QRICH2: variants seen among roughly 807,000 people sequenced by gnomAD.
QRICH2 encodes the protein glutamine-rich protein 2.
In QRICH2, 119 loss-of-function variants were observed where a neutral mutation model predicts 168.3. The ratio of observed to expected loss-of-function variants is 0.71; its 90% confidence interval spans 0.61 to 0.82. The LOEUF (loss-of-function observed/expected upper bound fraction) is 0.82. Ranked by LOEUF, QRICH2 falls within the 40% of genes least tolerant of loss-of-function variation. The pLI is 0.00. For synonymous variants in QRICH2, 894 were observed against 951.2 expected (o/e 0.94, Z 1.11); for missense variants, 2,241 against 2,491.6 (o/e 0.90, Z 2.14).
chr17:76,280,286 C>T lies in QRICH2; in HGVS notation c.4626+1G>A, dbSNP rs758402655. 7 of 1,613,980 alleles carry T rather than the reference C, an allele frequency of 4.3e-6. No homozygotes were observed. The Admixed American group carries it at 1.2e-4, about 27-fold the overall frequency. On this transcript the variant is annotated splice_donor_variant, in intron 11 of 18. Transcript: ENST00000680821. LOFTEE classifies it high-confidence loss of function. The surrounding 1 kb of genome is among the most constrained non-coding windows in gnomAD (Gnocchi z 7.4). Reference sequence around the variant, plus strand: ...AGAGCCCCGCCATGCCCCTGCCTCACCTTGTTGTCCATCTCTGTGAGCAGC... The same window carrying T: ...AGAGCCCCGCCATGCCCCTGCCTCATCTTGTTGTCCATCTCTGTGAGCAGC...
intron 3 of QRICH2, among the ~76,000 whole-genome samples, chr17:76,303,879 A>AAAC (rs2070945731): frequency 6.7e-6 from 1 of 150,296 alleles, no homozygotes; most frequent in African/African-American, 2.4e-5. Context: ...TCTCAAAAAA[A>AAAC]AAAAAAAAAA....
In QRICH2 at chr17:76,291,113, C is replaced by T. The variant is rs767746366; in HGVS notation, c.3614G>A (p.Ser1205Asn). 16 of 1,614,214 alleles carry T rather than the reference C, an allele frequency of 9.9e-6. 2 individuals carry two copies. In the South Asian group the frequency reaches 1.8e-4, roughly 18 times the overall value. The change falls in exon 4 of 19, where the codon AGC (serine) becomes AAC (asparagine). Residue 1205 changes from serine (S) to asparagine (N), a missense_variant. Ser to Asn is a conservative substitution (Grantham distance 46). Coordinates refer to ENST00000680821, the MANE Select transcript of QRICH2 (RefSeq NM_001388453.1). ...ACTCTCCTTTAGCCCCACATAGAGG[C>T]TACTGAGCTCTCCCATCAGATGAAA... Reference protein sequence around the residue: ...ETFHLMGELSSLYVGLKESMK... With the variant: ...ETFHLMGELSNLYVGLKESMK...
In QRICH2 at chr17:76,292,910, T is replaced by C. The variant is rs374752741; in HGVS notation, c.1817A>G (p.Asp606Gly). 1 of 1,610,560 alleles carries C rather than the reference T, an allele frequency of 6.2e-7. No homozygotes were observed. The highest frequency in any genetic ancestry group is 8.5e-7 in the Non-Finnish European group (1 of 1,179,354). The change falls in exon 4 of 19, where the codon GAT (aspartate) becomes GGT (glycine). Residue 606 changes from aspartate (D) to glycine (G), a missense_variant. Coordinates refer to ENST00000680821, the MANE Select transcript of QRICH2 (RefSeq NM_001388453.1). ...DQRGLVRPGMDQSGLAQPGAD... is the reference protein window; with the variant it reads ...DQRGLVRPGMGQSGLAQPGAD... The stretch of plus-strand genomic sequence containing the variant: ...ACCAGGTTGGGCCAAACCAGACTGA[T>C]CCATTCCAGGCCGGACCAAACCACG...
intron 5 of QRICH2, 30 bp downstream of exon 5, chr17:76,289,962 A>T (rs1383706884): frequency 1.3e-6 from 2 of 1,526,220 alleles, no homozygotes; most frequent in South Asian, 2.4e-5. Context: ...AAAAAAAAAA[A>T]AAAGACAAAG....
chr17:76,280,412 C>T lies in QRICH2; in HGVS notation c.4501G>A (p.Val1501Ile). The change falls in exon 11 of 19, where the codon GTC becomes ATC. Residue 1501 changes from valine to isoleucine, a missense_variant. Coordinates refer to ENST00000680821, the MANE Select transcript of QRICH2 (RefSeq NM_001388453.1). The surrounding 1 kb of genome is among the most constrained non-coding windows in gnomAD (Gnocchi z 7.4). ...KSALATKVSR[V>I]QFDATTEQLN... is the part of the protein sequence containing the mutation. Reference sequence around the variant, plus strand: ...TGCTCCGTGGTGGCATCAAACTGGACACGGCTCACTTTGGTGGCCAGAGCA... The same window carrying T: ...TGCTCCGTGGTGGCATCAAACTGGATACGGCTCACTTTGGTGGCCAGAGCA... 1 of 1,614,180 alleles carries T rather than the reference C, an allele frequency of 6.2e-7. No homozygotes were observed. Among genetic ancestry groups the T allele is most frequent in the African/African-American group, 1.3e-5 (1 of 75,072 alleles).
upstream of QRICH2, among the ~76,000 whole-genome samples, chr17:76,308,847 A>G (rs972938843): frequency 2.8e-4 from 42 of 151,714 alleles, no homozygotes; most frequent in South Asian, 6.3e-4. Context: ...CCGGGTTGAC[A>G]TGATTCTCCT....
chr17:76,287,825 G>A lies in QRICH2; in HGVS notation c.3871C>T (p.Leu1291=). Reference sequence around the variant, plus strand: ...CTGAGGACACCCAGCTGCAATCTCAGCTCTCCAGCTTTCAGTTCCTTCCCT... The same window carrying A: ...CTGAGGACACCCAGCTGCAATCTCAACTCTCCAGCTTTCAGTTCCTTCCCT... ...EAGKELKAGE[L]RLQLGVLRVT... Residue 1291 remains leucine (L), a synonymous_variant, in exon 6 of 19, where the codon CTG becomes TTG. Coordinates refer to ENST00000680821, the MANE Select transcript of QRICH2 (RefSeq NM_001388453.1). The A allele has an allele frequency of 6.2e-7, 1 of 1,613,958 alleles. No homozygotes were observed. Among genetic ancestry groups the A allele is most frequent in the Non-Finnish European group, 8.5e-7 (1 of 1,179,868 alleles).
intron 3 of QRICH2, among the ~76,000 whole-genome samples, chr17:76,300,590 G>A (rs1389940154): frequency 6.6e-6 from 1 of 152,164 alleles, no homozygotes; most frequent in Non-Finnish European, 1.5e-5. Context: ...GCAGACAGTG[G>A]TGACTTTATG....
intron 5 of QRICH2, among the ~76,000 whole-genome samples, 183 bp downstream of exon 5, chr17:76,289,809 G>A (rs780216264): frequency 1.3e-5 from 2 of 151,914 alleles, no homozygotes; most frequent in African/African-American, 2.4e-5. Context: ...AAAATTAGCC[G>A]GGCATGGTGG....
chr17:76,300,101 A>G (rs796615316), intron 3 of QRICH2, among the ~76,000 whole-genome samples: 2 of 152,084 alleles, frequency 1.3e-5, no homozygotes, highest in South Asian at 4.2e-4. Flanking sequence ...AAGTGCTGGA[A>G]TTACAGGCGT....
intron 1 of QRICH2, 41 bp from the exon 2 acceptor site, chr17:76,304,982 T>C: frequency 7.2e-7 from 1 of 1,398,214 alleles, no homozygotes; most frequent in Non-Finnish European, 1.0e-6. Flanking sequence ...CAGTGGCCCC[T>C]ACACACGCAC....
Position 76,279,112 on chromosome 17 carries a change from G to T in QRICH2, c.4845C>A (p.Gly1615=). 6.2e-7 allele frequency: 1 copy of T among 1,613,636 alleles called. No homozygotes were observed. Among genetic ancestry groups the T allele is most frequent in the Non-Finnish European group, 8.5e-7 (1 of 1,179,934 alleles). ...GGCGGATGGAATGGTGCCCAGGTAGGCCTGGACCCGCGGGGGTCACGGGGA... is the reference window on the plus strand; with the variant it reads ...GGCGGATGGAATGGTGCCCAGGTAGTCCTGGACCCGCGGGGGTCACGGGGA... ...HAIPVTPAGP[G]LPGHHSIRPY... The change falls in exon 14 of 19, where the codon GGC becomes GGA. Residue 1615 remains glycine (G), a synonymous_variant. Transcript: ENST00000680821.
intron 3 of QRICH2, among the ~76,000 whole-genome samples, chr17:76,298,235 G>C (rs1179248757): frequency 7.1e-6 from 1 of 140,952 alleles, no homozygotes; most frequent in Admixed American, 7.5e-5. Flanking sequence ...CCAGGCTGGA[G>C]TGCAGTGGTG....
In QRICH2 at chr17:76,279,355, G is replaced by A; in HGVS notation, c.4814+8C>T. ...GCGAGGCCACGTGCCGGCGGTGTGG[G>A]CACTCACTGTCCAGTCACAGGTGTC... is the stretch of plus-strand genomic sequence containing the variant. On this transcript the variant is annotated splice_region_variant and intron_variant, in intron 13 of 18. Transcript: ENST00000680821. 1 of 1,610,640 alleles carries A rather than the reference G, an allele frequency of 6.2e-7. No homozygotes were observed. The highest frequency in any genetic ancestry group is 8.5e-7 in the Non-Finnish European group (1 of 1,178,098).
chr17:76,310,289 G>A (rs746574498), upstream of QRICH2: 2 of 143,692 alleles, frequency 1.4e-5, no homozygotes, highest in African/African-American at 2.8e-5. Context: ...GAGCCATGAT[G>A]CCTGGCCTCT....
At chr17:76,274,405 C>T (rs559930684) in intron 18 of QRICH2, 145 bp from the exon 19 acceptor site, 2 of 314,180 alleles carry the variant, frequency 6.4e-6, no homozygotes, top group African/African-American at 2.3e-5. Context: ...CTGCCGGGGC[C>T]GGGGGGCACG....
rs2070904210 is a variant in QRICH2 at position 76,287,178 on chromosome 17, T to C, written c.4011+14A>G. ...GCCCTTGGTCCCTGGAGCTAAAGAG[T>C]GGGGAATCCTCACCTGGTCCTGCAG... On this transcript the variant is annotated intron_variant, in intron 7 of 18. Transcript: ENST00000680821. 2 of 1,585,754 alleles carry C rather than the reference T, an allele frequency of 1.3e-6. No homozygotes were observed. The highest frequency in any genetic ancestry group is 4.5e-5 in the East Asian group (2 of 44,666).
rs762677542 is a variant in QRICH2 at position 76,279,445 on chromosome 17, G to A, written c.4749-17C>T. On this transcript the variant is annotated splice_polypyrimidine_tract_variant and intron_variant, in intron 12 of 18. Transcript: ENST00000680821. ...AGGAGCTGCCTGTTAGGAATGGGACGCACACGCAGGGTGAGTGCTCTGCCC... is the reference window on the plus strand; with the variant it reads ...AGGAGCTGCCTGTTAGGAATGGGACACACACGCAGGGTGAGTGCTCTGCCC... 1.3e-5 allele frequency: 21 copies of A among 1,599,626 alleles called. No homozygotes were observed. The highest frequency in any genetic ancestry group is 3.4e-5 in the South Asian group (3 of 88,986).
intron 5 of QRICH2, 60 bp from the exon 6 acceptor site, chr17:76,287,957 C>G: frequency 7.5e-7 from 1 of 1,340,830 alleles, no homozygotes; most frequent in Non-Finnish European, 1.1e-6. Context: ...CCCAAGTGTG[C>G]CCTTGCATGC....
Sources: allele counts gnomAD v4.1 joint callset (sites outside exome capture counted in the v4.1 genomes callset), GRCh38; gene constraint gnomAD v4.1.1; non-coding constraint Gnocchi (gnomAD v3.1); transcripts MANE v1.5; gene names NCBI Gene and HGNC (gene_info 2026-07-23, HGNC 2026-07-21).